The following CDKAL1 variants were observed in gnomAD, a reference collection of about 807,000 sequenced individuals.
CDKAL1 encodes CDKAL1 threonylcarbamoyladenosine tRNA methylthiotransferase.
A neutral mutation model predicts 68.2 loss-of-function variants in CDKAL1; 32 were observed. That is an observed-to-expected ratio of 0.47 (90% confidence interval 0.35 to 0.63). The LOEUF is 0.63. CDKAL1 is among the 30% of genes least tolerant of loss of function. The pLI is 0.00. For synonymous variants in CDKAL1, 234 were observed against 244.3 expected (o/e 0.96, Z 0.39); for missense variants, 606 against 696.7 (o/e 0.87, Z 1.47).
At chr6:21,041,964 G>A (rs971404383) in intron 11 of CDKAL1, among the ~76,000 whole-genome samples, 1 of 151,754 alleles carries the variant, frequency 6.6e-6, no homozygotes, top group Non-Finnish European at 1.5e-5. Context: ...TAATTTTGAG[G>A]GACATATTCT....
At chr6:21,221,781 A>G (rs1049662554) in intron 15 of CDKAL1, among the ~76,000 whole-genome samples, 1 of 152,238 alleles carries the variant, frequency 6.6e-6, no homozygotes, top group African/African-American at 2.4e-5. Context: ...AGAAAAATTT[A>G]CACATGAGAA....
intron 9 of CDKAL1, among the ~76,000 whole-genome samples, chr6:20,941,480 CTA>C (rs962689165): frequency 1.3e-5 from 2 of 152,142 alleles, no homozygotes; most frequent in Admixed American, 6.5e-5. Context: ...GTCACAGTCT[CTA>C]TTTATAAAAT....
chr6:20,894,986 G>A (rs141420005), intron 9 of CDKAL1, among the ~76,000 whole-genome samples: 1 of 152,048 alleles, frequency 6.6e-6, no homozygotes, highest in African/African-American at 2.4e-5. Flanking sequence ...TAAAGTTGAA[G>A]TTCTCTATCA....
intron 7 of CDKAL1, among the ~76,000 whole-genome samples, chr6:20,778,665 G>A (rs1200330649): frequency 6.6e-6 from 1 of 152,160 alleles, no homozygotes; most frequent in Non-Finnish European, 1.5e-5. Flanking sequence ...AGAGCCAATG[G>A]TGTTAAGTTA....
chr6:21,175,067 A>C (rs1026345130), intron 13 of CDKAL1, among the ~76,000 whole-genome samples: 3 of 152,200 alleles, frequency 2.0e-5, no homozygotes, highest in African/African-American at 4.8e-5. Context: ...AGTTTTTAAA[A>C]TATCTCTCTG....
At chr6:20,737,175 C>T (rs532090138) in intron 5 of CDKAL1, among the ~76,000 whole-genome samples, 17 of 152,306 alleles carry the variant, frequency 1.1e-4, no homozygotes, top group Middle Eastern at 3.4e-3. Flanking sequence ...TTTCCTACTC[C>T]TGTCTTGCCA....
At chr6:21,034,426 AT>A (rs57529563) in intron 11 of CDKAL1, among the ~76,000 whole-genome samples, 5,524 of 152,248 alleles carry the variant, frequency 0.036, 341 homozygotes, top group African/African-American at 0.12. Context: ...ACCTTTAACG[AT>A]TTTTAATAAA....
intron 4 of CDKAL1, among the ~76,000 whole-genome samples, chr6:20,644,837 G>A (rs1243510171): frequency 1.3e-5 from 2 of 152,206 alleles, no homozygotes; most frequent in South Asian, 2.1e-4. Context: ...GTATAGTACA[G>A]TCATGTGTTG....
chr6:20,733,832 T>G (rs1242020959), intron 5 of CDKAL1, among the ~76,000 whole-genome samples: 1 of 152,154 alleles, frequency 6.6e-6, no homozygotes, highest in Non-Finnish European at 1.5e-5. Context: ...CTTTAAGTAT[T>G]TTTTATTATG....
At chr6:20,752,472 C>T (rs1773967493) in intron 6 of CDKAL1, among the ~76,000 whole-genome samples, 1 of 152,118 alleles carries the variant, frequency 6.6e-6, no homozygotes, top group Non-Finnish European at 1.5e-5. Context: ...ATCTTTGTTT[C>T]TTCTATGTGC....
chr6:20,708,570 A>G (rs2127826890), intron 5 of CDKAL1, among the ~76,000 whole-genome samples: 1 of 152,244 alleles, frequency 6.6e-6, no homozygotes, highest in Non-Finnish European at 1.5e-5. Flanking sequence ...TTTTGGTTTG[A>G]AGTAGGTTTT....
At chr6:20,728,698 A>T (rs1772766957) in intron 5 of CDKAL1, among the ~76,000 whole-genome samples, 1 of 152,154 alleles carries the variant, frequency 6.6e-6, no homozygotes, top group Admixed American at 6.5e-5. Flanking sequence ...AGGGCTAGAA[A>T]GCTTTTGATG....
chr6:20,892,646 C>T (rs745583868), intron 9 of CDKAL1, among the ~76,000 whole-genome samples: 18 of 152,118 alleles, frequency 1.2e-4, no homozygotes, highest in Non-Finnish European at 2.4e-4. Context: ...TACTCATAAC[C>T]TTTCTCCATC....
chr6:20,810,815 G>C (rs921129198), intron 8 of CDKAL1, among the ~76,000 whole-genome samples: 5 of 151,964 alleles, frequency 3.3e-5, no homozygotes, highest in African/African-American at 1.2e-4. Context: ...AGCTTTCACA[G>C]TTAGTGCTCT....
chr6:20,995,930 G>A (rs1421851996), intron 10 of CDKAL1, among the ~76,000 whole-genome samples: 1 of 152,170 alleles, frequency 6.6e-6, no homozygotes, highest in Admixed American at 6.5e-5. Context: ...TCTGCGGTGT[G>A]CCATAGCCAT....
intron 9 of CDKAL1, among the ~76,000 whole-genome samples, chr6:20,930,068 C>T (rs1242775817): frequency 2.0e-5 from 3 of 152,040 alleles, no homozygotes; most frequent in Non-Finnish European, 4.4e-5. Flanking sequence ...GATTTCTGGA[C>T]TTTTCTTGAC....
chr6:20,743,961 G>A (rs1376780685), intron 6 of CDKAL1, among the ~76,000 whole-genome samples: 2 of 152,134 alleles, frequency 1.3e-5, no homozygotes, highest in Admixed American at 6.5e-5. Context: ...TTTAAATTTT[G>A]TATCTAGATG....
intron 4 of CDKAL1, among the ~76,000 whole-genome samples, chr6:20,572,720 A>G (rs943078803): frequency 1.3e-5 from 2 of 152,112 alleles, no homozygotes; most frequent in Admixed American, 1.3e-4. Context: ...TGCATATTTT[A>G]AGCAAAATTA....
intron 4 of CDKAL1, among the ~76,000 whole-genome samples, chr6:20,600,310 A>G (rs549920769): frequency 6.6e-6 from 1 of 152,084 alleles, no homozygotes; most frequent in African/African-American, 2.4e-5. Context: ...CTCTTTTTAG[A>G]TGAAGTTTTT....
Sources: allele counts gnomAD v4.1 joint callset (sites outside exome capture counted in the v4.1 genomes callset), GRCh38; gene constraint gnomAD v4.1.1; transcripts MANE v1.5; gene names NCBI Gene and HGNC (gene_info 2026-07-23, HGNC 2026-07-21).